KLHL41: variants seen among roughly 807,000 people sequenced by gnomAD.
The protein encoded by KLHL41 is kelch-like protein 41.
In KLHL41, 31 loss-of-function variants were observed where a neutral mutation model predicts 49.2. That is an observed-to-expected ratio of 0.63 (90% confidence interval 0.47 to 0.85). The LOEUF (loss-of-function observed/expected upper bound fraction) is 0.85, where lower values mean the gene tolerates loss of function less well. KLHL41 is among the 40% of genes least tolerant of loss of function. The probability of loss-of-function intolerance (pLI) is 0.00; values close to 1 mark genes in which losing one functional copy is unlikely to be tolerated. For synonymous variants in KLHL41, 218 were observed against 258.5 expected, an observed-to-expected ratio of 0.84 and a Z score of 1.50; for missense variants, 663 against 726.7, an observed-to-expected ratio of 0.91 and a Z score of 1.01.
At position 169,518,381 on chromosome 2, in the gene KLHL41, T is replaced by C; in HGVS notation, c.1562+6T>C. Reference sequence around the variant, plus strand: ...TTTGACCTTACAACAAATAAGTGAGTTGCCACATCTTAGTATATAGCATGT... The same window carrying C: ...TTTGACCTTACAACAAATAAGTGAGCTGCCACATCTTAGTATATAGCATGT... On this transcript the variant is annotated splice_donor_region_variant and intron_variant, in intron 4 of 5. Coordinates refer to ENST00000284669, the MANE Select transcript of KLHL41 (RefSeq NM_006063.3). 6.3e-7 allele frequency: 1 copy of C among 1,599,370 alleles called. No individual in the cohort carries two copies. Among genetic ancestry groups the C allele is most frequent in the Non-Finnish European group, 8.6e-7 (1 of 1,169,446 alleles).
chr2:169,520,433 C>T (rs1684186038), intron 4 of KLHL41, among the ~76,000 whole-genome samples: 1 of 151,388 alleles, frequency 6.6e-6, no homozygotes, highest in Non-Finnish European at 1.5e-5. Flanking sequence ...GCATGAGCCA[C>T]CGAACCCAGC....
At chr2:169,520,368 T>C (rs1179551569) in intron 4 of KLHL41, among the ~76,000 whole-genome samples, 1 of 150,978 alleles carries the variant, frequency 6.6e-6, no homozygotes, top group African/African-American at 2.4e-5. Context: ...GGTCGCATAC[T>C]CCTTGGGCTC....
intron 5 of KLHL41, among the ~76,000 whole-genome samples, chr2:169,524,328 A>T (rs1181698076): frequency 6.6e-6 from 1 of 152,152 alleles, no homozygotes; most frequent in Non-Finnish European, 1.5e-5. Context: ...ACATTGATGA[A>T]ATTAAGTCAG....
At chr2:169,515,035 CTT>C (rs373207430) in intron 3 of KLHL41, 74 bp downstream of exon 3, 7,974 of 626,856 alleles carry the variant, frequency 0.013, no homozygotes, top group South Asian at 0.02. Flanking sequence ...CTTTTCTTTT[CTT>C]TTTTTTTTTT....
chr2:169,524,932 C>T (rs978593415), intron 5 of KLHL41, among the ~76,000 whole-genome samples: 13 of 152,126 alleles, frequency 8.5e-5, no homozygotes, highest in African/African-American at 3.1e-4. Context: ...AAGCTTCCCA[C>T]ACAAAGAAAA....
chr2:169,520,450 T>C (rs1466264773), intron 4 of KLHL41, among the ~76,000 whole-genome samples: 1 of 148,482 alleles, frequency 6.7e-6, no homozygotes, highest in South Asian at 2.2e-4. Flanking sequence ...CAGCCGCTAC[T>C]TGAATATTTA....
chr2:169,512,816 A>G (rs1377811126), intron 1 of KLHL41, among the ~76,000 whole-genome samples: 2 of 152,172 alleles, frequency 1.3e-5, no homozygotes, highest in East Asian at 3.8e-4. Flanking sequence ...CATCTATTTA[A>G]AATGCATTAA....
intron 5 of KLHL41, 90 bp from the exon 6 acceptor site, chr2:169,525,495 T>C (rs1684289360): frequency 1.3e-6 from 1 of 774,456 alleles, no homozygotes; most frequent in Admixed American, 2.1e-5. Context: ...GCCACTAGGG[T>C]TTTTTCAAAG....
chr2:169,520,810 A>C (rs1410394162), intron 4 of KLHL41, 51 bp from the exon 5 acceptor site: 2 of 1,367,434 alleles, frequency 1.5e-6, no homozygotes, highest in Non-Finnish European at 2.1e-6. Flanking sequence ...CAGTAAGTAC[A>C]TCTGGCATTT....
At chr2:169,518,590 C>A (rs558975013) in intron 4 of KLHL41, among the ~76,000 whole-genome samples, 1 of 152,290 alleles carries the variant, frequency 6.6e-6, no homozygotes, top group African/African-American at 2.4e-5. Flanking sequence ...TAATCTGGAA[C>A]ACATGACCCT....
At chr2:169,525,306 T>A (rs1473671731) in intron 5 of KLHL41, among the ~76,000 whole-genome samples, 1 of 152,260 alleles carries the variant, frequency 6.6e-6, no homozygotes, top group Non-Finnish European at 1.5e-5. Flanking sequence ...AATGTTTAAC[T>A]GCTTAGCTAT....
In KLHL41 at chr2:169,509,949, C is replaced by A; in HGVS notation, c.171C>A (p.Tyr57Ter). 6.2e-7 allele frequency: 1 copy of A among 1,614,138 alleles called. No homozygotes were observed. The highest frequency in any genetic ancestry group is 8.5e-7 in the Non-Finnish European group (1 of 1,180,014). ...HRLILSACSP[Y>*]FREYFLSEID... ...TGATTTTGTCAGCTTGTAGTCCTTA[C>A]TTCCGTGAGTACTTTTTATCTGAAA... is the stretch of plus-strand genomic sequence containing the variant. The change falls in exon 1 of 6, where the codon TAC becomes TAA. Residue 57 changes from tyrosine (Y) to a stop codon, truncating the protein, a stop_gained. Coordinates refer to ENST00000284669, the MANE Select transcript of KLHL41 (RefSeq NM_006063.3). LOFTEE classifies it high-confidence loss of function.
In KLHL41 at chr2:169,509,830, C is replaced by T. The variant is rs762092269; in HGVS notation, c.52C>T (p.Leu18Phe). The T allele has an allele frequency of 3.7e-6, 6 of 1,613,854 alleles. No homozygotes were observed. In the Admixed American group the frequency reaches 5.0e-5, roughly 13 times the overall value. Reference protein sequence around the residue: ...AEELRLYQSTLLQDGLKDLLD... With the variant: ...AEELRLYQSTFLQDGLKDLLD... The stretch of plus-strand genomic sequence containing the variant: ...GGAACTGCGGCTTTACCAATCCACC[C>T]TTCTTCAGGATGGTCTAAAAGATCT... The change falls in exon 1 of 6, where the codon CTT becomes TTT. Residue 18 changes from leucine (L) to phenylalanine (F), a missense_variant. Physicochemically the swap from Leu to Phe is conservative, Grantham distance 22. Transcript: ENST00000284669.
At chr2:169,516,583 A>G (rs1163392653) in intron 3 of KLHL41, among the ~76,000 whole-genome samples, 2 of 152,348 alleles carry the variant, frequency 1.3e-5, no homozygotes, top group African/African-American at 4.8e-5. Context: ...TTCAAGCAGC[A>G]TTAGTAACTA....
rs1684008708 is a variant in KLHL41, at chr2:169,510,161, A to G, written c.383A>G (p.Lys128Arg). Reference protein sequence around the residue: ...VFTVCVSYLQKRLAPGNCLAI... With the variant: ...VFTVCVSYLQRRLAPGNCLAI... ...ACTGTCTGCGTTTCTTATCTTCAGA[A>G]AAGACTTGCTCCTGGTAACTGTCTA... Residue 128 changes from lysine (K) to arginine (R), a missense_variant, in exon 1 of 6, where the codon AAA becomes AGA. Transcript: ENST00000284669. The surrounding 1 kb of genome is among the most constrained non-coding windows in gnomAD (Gnocchi z 4.2). The G allele has an allele frequency of 1.2e-6, 2 of 1,614,150 alleles. No homozygotes were observed. Among genetic ancestry groups the G allele is most frequent in the Non-Finnish European group, 1.7e-6 (2 of 1,180,036 alleles).
intron 3 of KLHL41, 79 bp downstream of exon 3, chr2:169,515,040 T>C (rs1370981098): frequency 3.6e-5 from 33 of 912,640 alleles, no homozygotes; most frequent in African/African-American, 5.4e-5. Context: ...CTTTTCTTTT[T>C]TTTTTTTTTT....
intron 5 of KLHL41, among the ~76,000 whole-genome samples, chr2:169,521,915 TA>T (rs1033998685): frequency 7.3e-5 from 11 of 149,792 alleles, no homozygotes; most frequent in Non-Finnish European, 3.0e-5. Context: ...GTGAGGCTAT[TA>T]AAAAAAAAGT....
Position 169,510,732 on chromosome 2 carries a change from C to A in KLHL41, c.954C>A (p.Asp318Glu). 1 of 1,614,154 alleles carries A rather than the reference C, an allele frequency of 6.2e-7. No individual in the cohort carries two copies. Among genetic ancestry groups the A allele is most frequent in the Non-Finnish European group, 8.5e-7 (1 of 1,180,026 alleles). The change falls in exon 1 of 6, where the codon GAC becomes GAA. Residue 318 changes from aspartate (D) to glutamate (E), a missense_variant. This residue lies in a region of KLHL41 where 528 missense variants were observed against 581.0 expected (regional missense o/e 0.91). Transcript: ENST00000284669. This position sits in a 1 kb window ranked among gnomAD's most constrained non-coding sequence, Gnocchi z 4.2. ...ATGACACAGCAGCAGTGGCTTATGA[C>A]CCCACGGAAAATGAATGCTACCTTA... ...LVNDTAAVAY[D>E]PTENECYLTA...
chr2:169,513,525 A>T (rs1253362221), intron 1 of KLHL41, among the ~76,000 whole-genome samples: 2 of 152,176 alleles, frequency 1.3e-5, no homozygotes, highest in Non-Finnish European at 2.9e-5. Flanking sequence ...ACATGTGGAG[A>T]TTAAACTTCT....
Sources: allele counts gnomAD v4.1 joint callset (sites outside exome capture counted in the v4.1 genomes callset), GRCh38; gene constraint gnomAD v4.1.1; regional missense constraint gnomAD v4.1.1; non-coding constraint Gnocchi (gnomAD v3.1); transcripts MANE v1.5; gene names NCBI Gene and HGNC (gene_info 2026-07-23, HGNC 2026-07-21).